CACNA1B: variants seen among roughly 807,000 people sequenced by gnomAD.
CACNA1B encodes voltage-dependent N-type calcium channel subunit alpha-1B.
Under a neutral mutation model 247.2 loss-of-function variants are expected in CACNA1B, and 70 were observed. That is an observed-to-expected ratio of 0.28 (90% CI 0.23 to 0.35). The LOEUF (loss-of-function observed/expected upper bound fraction) is 0.35, where lower values mean the gene tolerates loss of function less well. Ranked by LOEUF, CACNA1B falls within the 10% of genes least tolerant of loss-of-function variation. CACNA1B has a pLI of 1.00. For synonymous variants in CACNA1B, 1,231 were observed against 1,294.4 expected (o/e 0.95, Z 1.05); for missense variants, 2,367 against 3,197.4 (o/e 0.74, Z 6.26).
At chr9:137,966,700 A>G (rs920975751) in intron 10 of CACNA1B, among the ~76,000 whole-genome samples, 20 of 150,082 alleles carry the variant, frequency 1.3e-4, no homozygotes, top group African/African-American at 2.0e-4. Context: ...CACCACGCCC[A>G]GCTAATTTTT....
At chr9:138,027,640 A>G (rs538050144) in intron 20 of CACNA1B, among the ~76,000 whole-genome samples, 10 of 152,244 alleles carry the variant, frequency 6.6e-5, no homozygotes, top group African/African-American at 2.4e-4. Context: ...CTACTTCAGT[A>G]AGTGTTTTTA....
At chr9:138,055,538 G>GTGTTTTCTTC (rs1441170556) in intron 26 of CACNA1B, among the ~76,000 whole-genome samples, 1 of 152,092 alleles carries the variant, frequency 6.6e-6, no homozygotes, top group Admixed American at 6.5e-5. Flanking sequence ...ATGTTTTCTT[G>GTGTTTTCTTC]TGTTTTCTTC....
chr9:138,083,912 C>G (rs1380133012), intron 36 of CACNA1B, among the ~76,000 whole-genome samples: 1 of 150,736 alleles, frequency 6.6e-6, no homozygotes, highest in African/African-American at 2.5e-5. Flanking sequence ...CTAGAGTAAC[C>G]ACTACATGGT....
chr9:137,991,908 C>G (rs760309957), intron 15 of CACNA1B, among the ~76,000 whole-genome samples: 7 of 152,090 alleles, frequency 4.6e-5, no homozygotes, highest in Non-Finnish European at 1.0e-4. Flanking sequence ...TCGCCACTAC[C>G]AAGCCAGCAC....
intron 3 of CACNA1B, among the ~76,000 whole-genome samples, chr9:137,886,194 C>T (rs561541046): frequency 1.3e-5 from 2 of 151,862 alleles, no homozygotes; most frequent in Non-Finnish European, 2.9e-5. Flanking sequence ...AGGGTGGGGT[C>T]GGGGCTGAGC....
rs552558187 is a variant in CACNA1B, at chr9:137,908,345, G to A, written c.531-4835G>A. 2.9e-4 allele frequency among the ~76,000 whole-genome samples: 44 copies of A among 152,040 alleles called. No individual in the cohort carries two copies. In the East Asian group the frequency reaches 4.7e-3, roughly 16 times the overall value. On this transcript the variant is annotated intron_variant, in intron 3 of 46. Transcript: ENST00000371372. ...AGCCTGGCCAACATGGTGGAACCCC[G>A]TCTCTAATAAAAATACAAAAATTAG... is the stretch of plus-strand genomic sequence containing the variant.
chr9:138,097,484 C>T (rs1275940946), intron 37 of CACNA1B, among the ~76,000 whole-genome samples: 1 of 152,218 alleles, frequency 6.6e-6, no homozygotes, highest in Admixed American at 6.5e-5. Context: ...CATTTACTTG[C>T]TCGCTCACTC....
intron 6 of CACNA1B, among the ~76,000 whole-genome samples, chr9:137,944,311 C>G (rs2133323738): frequency 6.6e-6 from 1 of 152,282 alleles, no homozygotes; most frequent in East Asian, 1.9e-4. Context: ...TCCAGTCTGC[C>G]ATGAAACATG....
At chr9:137,923,442 T>G (rs1427937710) in intron 6 of CACNA1B, among the ~76,000 whole-genome samples, 10 of 88,210 alleles carry the variant, frequency 1.1e-4, no homozygotes, top group African/African-American at 2.9e-4. Context: ...ATTCCGTGGC[T>G]CCAGGTGGTA....
At chr9:138,024,518 G>A (rs1958895738) in intron 19 of CACNA1B, among the ~76,000 whole-genome samples, 1 of 152,232 alleles carries the variant, frequency 6.6e-6, no homozygotes, top group Non-Finnish European at 1.5e-5. Context: ...GAGGTGTATA[G>A]AGTAATTTAA....
chr9:138,059,299 C>T lies in CACNA1B; in HGVS notation c.4584+110C>T, dbSNP rs1453435535. 1.4e-6 allele frequency: 1 copy of T among 690,058 alleles called. No individual in the cohort carries two copies. The highest frequency in any genetic ancestry group is 1.7e-5 in the South Asian group (1 of 59,134). The allele number at this position is 690,058 out of a possible 1,614,324, so 42.7% of individuals were successfully genotyped here. A position where few individuals can be genotyped will look rare whatever the true frequency, so the allele number is the denominator to read the frequency against. On this transcript the variant is annotated intron_variant, in intron 30 of 46. Coordinates refer to ENST00000371372, the MANE Select transcript of CACNA1B (RefSeq NM_000718.4). This position sits in a 1 kb window ranked among gnomAD's most constrained non-coding sequence, Gnocchi z 4.2. ...TTGGAGCTGGGAATTCTCCGAGTAC[C>T]CAGAGTATATGTAATGCTACAGGGG...
At chr9:138,109,598 G>C (rs1333547551) in intron 39 of CACNA1B, among the ~76,000 whole-genome samples, 5 of 152,188 alleles carry the variant, frequency 3.3e-5, no homozygotes, top group Non-Finnish European at 7.3e-5. Flanking sequence ...TCCTTGAACT[G>C]ATCACCTCCT....
intron 3 of CACNA1B, among the ~76,000 whole-genome samples, chr9:137,902,888 C>T (rs540084585): frequency 2.4e-4 from 37 of 152,342 alleles, no homozygotes; most frequent in African/African-American, 8.4e-4. Context: ...CCGGCAACCC[C>T]CACTGCCGAG....
At position 138,100,794 on chromosome 9, in the gene CACNA1B, C is replaced by G. The variant is rs1208837625; in HGVS notation, c.5223-1917C>G. On this transcript the variant is annotated intron_variant, in intron 37 of 46. Coordinates refer to ENST00000371372, the MANE Select transcript of CACNA1B (RefSeq NM_000718.4). This position sits in a 1 kb window ranked among gnomAD's most constrained non-coding sequence, Gnocchi z 4.6. ...GCCAGGCGTCAGAGGGTTTGGCTGACCTGGGAGGCCCAGGGAGCATCGTCA... is the reference window on the plus strand; with the variant it reads ...GCCAGGCGTCAGAGGGTTTGGCTGAGCTGGGAGGCCCAGGGAGCATCGTCA... 1.3e-5 allele frequency among the ~76,000 whole-genome samples: 2 copies of G among 152,130 alleles called. No homozygotes were observed. Among genetic ancestry groups the G allele is most frequent in the South Asian group, 4.1e-4 (2 of 4,822 alleles).
intron 35 of CACNA1B, 26 bp from the exon 36 acceptor site, chr9:138,078,088 C>T (rs201940073): frequency 7.6e-5 from 122 of 1,610,712 alleles, no homozygotes; most frequent in Non-Finnish European, 1.0e-4. Flanking sequence ...CCTCTGTGGG[C>T]CTCACAACTC....
chr9:137,974,623 G>A lies in CACNA1B; in HGVS notation c.1544-1284G>A, dbSNP rs1958196471. Among the ~76,000 whole-genome samples, 1 of 152,194 alleles carries A rather than the reference G, an allele frequency of 6.6e-6. No individual in the cohort carries two copies. Among genetic ancestry groups the A allele is most frequent in the South Asian group, 2.1e-4 (1 of 4,832 alleles). On this transcript the variant is annotated intron_variant, in intron 11 of 46. Coordinates refer to ENST00000371372, the MANE Select transcript of CACNA1B (RefSeq NM_000718.4). The surrounding 1 kb of genome is among the most constrained non-coding windows in gnomAD (Gnocchi z 4.5). ...CTGTGCAGCACAGCCCTTGGTGGAG[G>A]AGATTTTAGGAGCATAGGGGTGGGA...
At chr9:138,004,244 T>A (rs369683708) in intron 15 of CACNA1B, among the ~76,000 whole-genome samples, 3 of 152,078 alleles carry the variant, frequency 2.0e-5, no homozygotes, top group Admixed American at 2.0e-4. Flanking sequence ...AATAAGTAGA[T>A]TTATATGTAT....
At position 138,047,011 on chromosome 9, in the gene CACNA1B, G is replaced by T. The variant is rs200292544; in HGVS notation, c.3521G>T (p.Arg1174Leu). The T allele has an allele frequency of 4.3e-6, 7 of 1,612,178 alleles. No individual in the cohort carries two copies. The highest frequency in any genetic ancestry group is 1.3e-5 in the African/African-American group (1 of 74,924). ...GCCCTGGCTGCTGAGGACCCAGTGC[G>T]CACAGACTCGCCCAGGAACAACGTG... is the stretch of plus-strand genomic sequence containing the variant. The part of the protein sequence containing the change: ...SIALAAEDPV[R>L]TDSPRNNALK... Residue 1174 changes from arginine (R) to leucine (L), a missense_variant, in exon 22 of 47, where the codon CGC (arginine) becomes CTC (leucine). Physicochemically the swap from Arg to Leu is moderately radical, Grantham distance 102. Transcript: ENST00000371372.
intron 39 of CACNA1B, among the ~76,000 whole-genome samples, chr9:138,110,912 T>C (rs1438306939): frequency 3.3e-5 from 5 of 151,572 alleles, no homozygotes; most frequent in East Asian, 1.9e-4. Flanking sequence ...AAAGAAGATA[T>C]ATGGAAGGCA....
Sources: allele counts gnomAD v4.1 joint callset (sites outside exome capture counted in the v4.1 genomes callset), GRCh38; gene constraint gnomAD v4.1.1; non-coding constraint Gnocchi (gnomAD v3.1); transcripts MANE v1.5; gene names NCBI Gene and HGNC (gene_info 2026-07-23, HGNC 2026-07-21).